PGAP6: variants seen among roughly 807,000 people sequenced by gnomAD.
PGAP6 encodes the protein post-GPI attachment to proteins 6.
In PGAP6, 62 loss-of-function variants were observed where a neutral mutation model predicts 68.4. The observed-to-expected ratio is 0.91, with a 90% CI of 0.74 to 1.12. The LOEUF (loss-of-function observed/expected upper bound fraction) is 1.12. Ranked by LOEUF, PGAP6 falls within the 50% of genes most tolerant of loss-of-function variation. PGAP6 has a pLI of 0.00. For synonymous variants in PGAP6, 575 were observed against 474.0 expected (o/e 1.21, Z -2.77); for missense variants, 1,188 against 1,068.5 (o/e 1.11, Z -1.56).
upstream of PGAP6, among the ~76,000 whole-genome samples, chr16:385,636 TTTTTTTG>T (rs1567328833): frequency 8.1e-6 from 1 of 123,420 alleles, no homozygotes; most frequent in Non-Finnish European, 1.7e-5. Flanking sequence ...TTTTTTTTTT[TTTTTTTG>T]AGATGGAATC....
chr16:381,045 C>G (rs976634893), intron 1 of PGAP6, among the ~76,000 whole-genome samples: 30 of 152,382 alleles, frequency 2.0e-4, no homozygotes, highest in African/African-American at 7.0e-4. Flanking sequence ...CTGGTCCAGC[C>G]GCCTCCTTGG....
chr16:384,646 G>C (rs946209776), upstream of PGAP6, among the ~76,000 whole-genome samples: 2 of 151,966 alleles, frequency 1.3e-5, no homozygotes, highest in Admixed American at 1.3e-4. Context: ...ACGAGGTCAG[G>C]AGATCGAGAC....
At chr16:385,461 G>A (rs1379038819), upstream of PGAP6, among the ~76,000 whole-genome samples, 7 of 148,004 alleles carry the variant, frequency 4.7e-5, no homozygotes, top group African/African-American at 1.2e-4. Context: ...ACAGGCGCCC[G>A]CTACCATTCC....
intron 3 of PGAP6, 93 bp downstream of exon 3, chr16:377,285 C>A: frequency 6.4e-7 from 1 of 1,573,140 alleles, no homozygotes; most frequent in Non-Finnish European, 8.6e-7. Flanking sequence ...AGCGTGGAGC[C>A]TAGAGCGAGG....
At chr16:379,372 G>A (rs2054420042) in intron 1 of PGAP6, among the ~76,000 whole-genome samples, 2 of 152,234 alleles carry the variant, frequency 1.3e-5, no homozygotes, top group African/African-American at 4.8e-5. Flanking sequence ...AAGCTCCAGG[G>A]GAACCTGGCG....
At chr16:383,078 C>G (rs11864644), upstream of PGAP6, among the ~76,000 whole-genome samples, 1 of 151,868 alleles carries the variant, frequency 6.6e-6, no homozygotes, top group South Asian at 2.1e-4. Context: ...ATCGCGCCAC[C>G]GCACTCCAGC....
intron 1 of PGAP6, among the ~76,000 whole-genome samples, chr16:381,382 T>C (rs965420864): frequency 2.6e-5 from 4 of 151,584 alleles, no homozygotes; most frequent in Admixed American, 6.5e-5. Context: ...CAGAGTCCCC[T>C]GGGCCCCTCC....
Position 374,856 on chromosome 16 carries a change from G to A in PGAP6, c.1476C>T (p.Thr492=), listed in dbSNP as rs748924039. The A allele has an allele frequency of 6.2e-7, 1 of 1,613,004 alleles. No individual in the cohort carries two copies. Among genetic ancestry groups the A allele is most frequent in the Non-Finnish European group, 8.5e-7 (1 of 1,179,958 alleles). Residue 492 remains threonine (T), a synonymous_variant, in exon 9 of 13, where the codon ACC becomes ACT. Transcript: ENST00000431232. The part of the protein sequence containing the change: ...CEQAVVHVET[T]LYLVPCLNDC... Reference sequence around the variant, plus strand: ...CGTTCAAACAGGGCACCAGGTACAAGGTGGTCTCCACGTGGACCACAGCCT... The same window carrying A: ...CGTTCAAACAGGGCACCAGGTACAAAGTGGTCTCCACGTGGACCACAGCCT...
chr16:381,670 G>T, intron 1 of PGAP6, 31 bp downstream of exon 1: 1 of 1,119,524 alleles, frequency 8.9e-7, no homozygotes, highest in Non-Finnish European at 1.1e-6. Context: ...CCGGCCCCAC[G>T]CCCCCGATGG....
At position 375,268 on chromosome 16, in the gene PGAP6, C is replaced by A. The variant is rs372777811; in HGVS notation, c.1316-12G>T. ...GCCCTGGAAGAAGGCTGCAGGGGAG[C>A]CAGAGGGCCCCATCAGAGGAGGCCG... is the stretch of plus-strand genomic sequence containing the variant. On this transcript the variant is annotated splice_polypyrimidine_tract_variant and intron_variant, in intron 7 of 12. Transcript: ENST00000431232. 1.9e-6 allele frequency: 3 copies of A among 1,612,820 alleles called. No individual in the cohort carries two copies. Among genetic ancestry groups the A allele is most frequent in the South Asian group, 2.2e-5 (2 of 91,078 alleles).
intron 1 of PGAP6, among the ~76,000 whole-genome samples, chr16:378,899 G>A (rs1489326445): frequency 6.6e-6 from 1 of 152,194 alleles, no homozygotes; most frequent in Non-Finnish European, 1.5e-5. Flanking sequence ...CGCCTGGTGC[G>A]GGGATGGAGA....
upstream of PGAP6, chr16:386,668 G>T (rs549266806): frequency 1.4e-3 from 519 of 363,502 alleles, 2 homozygotes; most frequent in Non-Finnish European, 1.5e-3. Flanking sequence ...TAAAAAAAGG[G>T]TCATTTTCCC....
chr16:382,551 G>C, upstream of PGAP6: 2 of 315,266 alleles, frequency 6.3e-6, no homozygotes, highest in Non-Finnish European at 1.2e-5. Context: ...TACCCGATCG[G>C]GGTGGCGGTT....
chr16:382,913 C>T (rs1259662837), upstream of PGAP6, among the ~76,000 whole-genome samples: 1 of 144,888 alleles, frequency 6.9e-6, no homozygotes, highest in East Asian at 2.0e-4. Flanking sequence ...ATCACAGAAA[C>T]GCTCCCCTAG....
chr16:384,370 C>G (rs1312953568), upstream of PGAP6: 2 of 152,206 alleles, frequency 1.3e-5, no homozygotes, highest in African/African-American at 4.8e-5. Flanking sequence ...TGCTAAGTCA[C>G]AGAGTGTTGG....
At position 371,956 on chromosome 16, in the gene PGAP6, C is replaced by T; in HGVS notation, c.*31G>A. ...CGATACAGCTCCTGGCTGAAGAGGT[C>T]ATCAGAGCAGCAGCTGTCCCCAGGC... On this transcript the variant is annotated 3_prime_UTR_variant, in exon 13 of 13. Transcript: ENST00000431232. 2 of 1,596,124 alleles carry T rather than the reference C, an allele frequency of 1.3e-6. No individual in the cohort carries two copies. The highest frequency in any genetic ancestry group is 1.3e-5 in the African/African-American group (1 of 74,864).
chr16:384,083 G>A (rs1463167464), upstream of PGAP6, among the ~76,000 whole-genome samples: 1 of 152,208 alleles, frequency 6.6e-6, no homozygotes, highest in African/African-American at 2.4e-5. Flanking sequence ...TTGCTGAGCC[G>A]TGATTTGAGT....
chr16:384,855 C>CA (rs559192580), upstream of PGAP6, among the ~76,000 whole-genome samples: 21,396 of 109,910 alleles, frequency 0.19, 2,107 homozygotes, highest in Admixed American at 0.26. Flanking sequence ...GACTCCATCT[C>CA]AAAAAAAAAA....
In PGAP6 at chr16:377,435, G is replaced by A. The variant is rs79494779; in HGVS notation, c.450C>T (p.Pro150=). The A allele has an allele frequency of 2.7e-3, 4,313 of 1,610,034 alleles. 107 individuals are homozygous for A. In the African/African-American group the frequency reaches 0.05, roughly 18 times the overall value. The part of the protein sequence containing the change: ...NASVNVSHPA[P]GDWFVAAHLP... ...GGTGGGCGGCCACGAACCAGTCCCCGGGGGCCGGGTGGGAAACGTTGACGG... is the reference window on the plus strand; with the variant it reads ...GGTGGGCGGCCACGAACCAGTCCCCAGGGGCCGGGTGGGAAACGTTGACGG... Residue 150 remains proline (P), a synonymous_variant, in exon 3 of 13, where the codon CCC becomes CCT. Transcript: ENST00000431232.
Sources: allele counts gnomAD v4.1 joint callset (sites outside exome capture counted in the v4.1 genomes callset), GRCh38; gene constraint gnomAD v4.1.1; transcripts MANE v1.5; gene names NCBI Gene and HGNC (gene_info 2026-07-23, HGNC 2026-07-21).